Variants in NEDD4L observed in about 807,000 individuals in gnomAD.
NEDD4L encodes E3 ubiquitin-protein ligase NEDD4-like.
A neutral mutation model predicts 148.9 loss-of-function variants in NEDD4L; 54 were observed. The ratio of observed to expected loss-of-function variants is 0.36; its 90% CI spans 0.29 to 0.45. NEDD4L has a LOEUF of 0.45. NEDD4L is among the 20% of genes least tolerant of loss of function. The pLI is 1.00. For synonymous variants in NEDD4L, 433 were observed against 440.7 expected (o/e 0.98, Z 0.22); for missense variants, 856 against 1,233.8 (o/e 0.69, Z 4.59).
chr18:58,395,515 T>C (rs2050378249), intron 30 of NEDD4L, among the ~76,000 whole-genome samples: 1 of 151,340 alleles, frequency 6.6e-6, no homozygotes, highest in South Asian at 2.1e-4. Context: ...CCTCCAGATA[T>C]GTAGGGACTT....
chr18:58,138,977 C>A (rs141901940), intron 1 of NEDD4L, among the ~76,000 whole-genome samples: 48 of 152,360 alleles, frequency 3.2e-4, no homozygotes, highest in African/African-American at 7.9e-4. Flanking sequence ...GCCGGGACCA[C>A]GCTGGCTCAT....
intron 1 of NEDD4L, among the ~76,000 whole-genome samples, chr18:58,119,788 C>T (rs1195023731): frequency 6.6e-6 from 1 of 152,216 alleles, no homozygotes; most frequent in East Asian, 1.9e-4. Flanking sequence ...CCTCTGCCCC[C>T]ATGCCCTGGG....
chr18:58,128,071 G>T (rs999526499), intron 1 of NEDD4L, among the ~76,000 whole-genome samples: 1 of 151,632 alleles, frequency 6.6e-6, no homozygotes, highest in African/African-American at 2.4e-5. Flanking sequence ...GTTTGAGACA[G>T]GGTCTCACTC....
intron 1 of NEDD4L, among the ~76,000 whole-genome samples, chr18:58,165,262 A>C (rs965924539): frequency 3.3e-5 from 5 of 152,262 alleles, no homozygotes; most frequent in Admixed American, 1.3e-4. Context: ...GTTTCCATTT[A>C]GAATGGTTTT....
At chr18:58,376,281 C>A (rs17064925) in intron 24 of NEDD4L, among the ~76,000 whole-genome samples, 3,783 of 152,162 alleles carry the variant, frequency 0.025, 177 homozygotes, top group African/African-American at 0.088. Context: ...AAACAGTTCT[C>A]AGACCTCCTC....
At chr18:58,236,982 C>A (rs2046105119) in intron 2 of NEDD4L, among the ~76,000 whole-genome samples, 1 of 152,024 alleles carries the variant, frequency 6.6e-6, no homozygotes, top group African/African-American at 2.4e-5. Context: ...AAGATCATGC[C>A]ATTGCACTCC....
intron 2 of NEDD4L, among the ~76,000 whole-genome samples, chr18:58,214,967 A>C (rs1033317845): frequency 1.9e-4 from 29 of 151,978 alleles, no homozygotes; most frequent in African/African-American, 7.0e-4. Context: ...ATGCACCACC[A>C]TGCCTGGCTA....
intron 1 of NEDD4L, among the ~76,000 whole-genome samples, chr18:58,092,818 C>CA (rs56749032): frequency 0.093 from 10,457 of 112,520 alleles, 821 homozygotes; most frequent in African/African-American, 0.22. Flanking sequence ...TCCCTGGTAC[C>CA]AAAAAAAAAA....
In NEDD4L at chr18:58,044,434, C is replaced by G. The variant is rs527834236; in HGVS notation, c.-227C>G. The G allele has an allele frequency of 1.0e-4, 40 of 392,316 alleles. No individual in the cohort carries two copies. The highest frequency in any genetic ancestry group is 1.5e-4 in the Non-Finnish European group (36 of 246,024). 24.3% of individuals were successfully genotyped at this position (392,316 alleles called of 1,614,324 possible). ...CGGTGCTCGGCGCGCTCTCGGGAGC[C>G]GCCCGCCCGCTGGTCCCGCAGCCTT... On this transcript the variant is annotated 5_prime_UTR_variant, in exon 1 of 31. Transcript: ENST00000400345.
chr18:58,331,107 T>C (rs2059754670), intron 11 of NEDD4L, among the ~76,000 whole-genome samples, 193 bp downstream of exon 11: 2 of 152,324 alleles, frequency 1.3e-5, no homozygotes, highest in Admixed American at 1.3e-4. Context: ...TGAGAATCTT[T>C]CTTGATTTGG....
chr18:58,325,001 A>G lies in NEDD4L; in HGVS notation c.519A>G (p.Gly173=), dbSNP rs2059187664. 1.9e-6 allele frequency: 3 copies of G among 1,613,358 alleles called. No homozygotes were observed. Among genetic ancestry groups the G allele is most frequent in the Non-Finnish European group, 2.5e-6 (3 of 1,179,560 alleles). ...CCTTTAACTTTATTCCGCAGCATGG[A>G]TGGGAAGTTGTTGACTCAAATGACT... ...NSDQRDDMEH[G]WEVVDSNDSA... Residue 173 remains glycine, a synonymous_variant, in exon 9 of 31, where the codon GGA becomes GGG. Coordinates refer to ENST00000400345, the MANE Select transcript of NEDD4L (RefSeq NM_001144967.3).
At chr18:58,180,922 G>A (rs2038792492) in intron 2 of NEDD4L, among the ~76,000 whole-genome samples, 1 of 152,168 alleles carries the variant, frequency 6.6e-6, no homozygotes, top group South Asian at 2.1e-4. Flanking sequence ...GGTGTATTGG[G>A]GGGGTTACAG....
At chr18:58,190,614 CTAAG>C (rs1392197920) in intron 2 of NEDD4L, among the ~76,000 whole-genome samples, 2 of 152,234 alleles carry the variant, frequency 1.3e-5, no homozygotes, top group East Asian at 1.9e-4. Context: ...TTTCTTCTAA[CTAAG>C]TATGTATATG....
At chr18:58,341,462 G>T (rs2042409128) in intron 14 of NEDD4L, among the ~76,000 whole-genome samples, 1 of 152,136 alleles carries the variant, frequency 6.6e-6, no homozygotes, top group Non-Finnish European at 1.5e-5. Flanking sequence ...TTAATCCGAG[G>T]CTAGTTTTTA....
intron 5 of NEDD4L, among the ~76,000 whole-genome samples, chr18:58,288,167 A>G (rs1329104455): frequency 6.6e-6 from 1 of 152,218 alleles, no homozygotes; most frequent in Non-Finnish European, 1.5e-5. Context: ...TTCTTATGTC[A>G]AGGTGTAAAC....
intron 1 of NEDD4L, among the ~76,000 whole-genome samples, chr18:58,128,947 A>G (rs2031609449): frequency 6.6e-6 from 1 of 152,230 alleles, no homozygotes. Context: ...GTTCCAAGCT[A>G]TGAAGCGCCT....
intron 6 of NEDD4L, among the ~76,000 whole-genome samples, chr18:58,321,914 C>T (rs1012459088): frequency 2.9e-4 from 44 of 152,186 alleles, no homozygotes; most frequent in Non-Finnish European, 2.4e-4. Context: ...TGAACCTCAG[C>T]AGAAGGTTGA....
At chr18:58,141,780 C>T (rs1355101856) in intron 1 of NEDD4L, among the ~76,000 whole-genome samples, 2 of 152,140 alleles carry the variant, frequency 1.3e-5, no homozygotes, top group African/African-American at 4.8e-5. Context: ...TATACCTTGC[C>T]TGTCTCCAAT....
chr18:58,371,096 G>T (rs896358690), intron 23 of NEDD4L, among the ~76,000 whole-genome samples: 2 of 129,424 alleles, frequency 1.5e-5, no homozygotes, highest in Non-Finnish European at 3.2e-5. Context: ...AGGCTAGAGT[G>T]CAGTGGCGCG....
Sources: allele counts gnomAD v4.1 joint callset (sites outside exome capture counted in the v4.1 genomes callset), GRCh38; gene constraint gnomAD v4.1.1; transcripts MANE v1.5; gene names NCBI Gene and HGNC (gene_info 2026-07-23, HGNC 2026-07-21).